The following CACNA2D1 variants were observed in gnomAD, a reference collection of about 807,000 sequenced individuals.
CACNA2D1 encodes voltage-dependent calcium channel subunit alpha-2/delta-1.
CACNA2D1 carries 53 observed loss-of-function variants against 171.5 expected under a neutral mutation model. The ratio of observed to expected loss-of-function variants is 0.31; its 90% CI spans 0.25 to 0.39. CACNA2D1 has a LOEUF of 0.39. Among genes scored for constraint, CACNA2D1 ranks in the 10% least tolerant of loss-of-function variants. The pLI, the probability that CACNA2D1 is intolerant of heterozygous loss-of-function variation, is 1.00. For synonymous variants in CACNA2D1, 442 were observed against 443.1 expected, an observed-to-expected ratio of 1.00 and a Z score of 0.03; for missense variants, 903 against 1,299.8, an observed-to-expected ratio of 0.69 and a Z score of 4.69.
chr7:82,133,606 ATAT>A (rs1791263369), intron 5 of CACNA2D1, among the ~76,000 whole-genome samples: 1 of 152,196 alleles, frequency 6.6e-6, no homozygotes, highest in Non-Finnish European at 1.5e-5. Context: ...TTGAAGAATA[ATAT>A]TTATGTGTAA....
chr7:82,378,320 G>T (rs1216543739), intron 1 of CACNA2D1, among the ~76,000 whole-genome samples: 1 of 152,124 alleles, frequency 6.6e-6, no homozygotes, highest in Non-Finnish European at 1.5e-5. Context: ...GATCATTGGA[G>T]CCCAGGAAGT....
intron 3 of CACNA2D1, among the ~76,000 whole-genome samples, chr7:82,267,216 G>C (rs953734598): frequency 1.6e-4 from 24 of 152,088 alleles, no homozygotes; most frequent in African/African-American, 5.6e-4. Flanking sequence ...TGTGAAAAAG[G>C]CTATACTATG....
At chr7:82,323,386 G>A (rs149329498) in intron 3 of CACNA2D1, among the ~76,000 whole-genome samples, 104 of 152,140 alleles carry the variant, frequency 6.8e-4, no homozygotes, top group African/African-American at 2.3e-3. Context: ...AAAGTTTGAT[G>A]ACTATCATCA....
chr7:81,995,477 T>C (rs1170466209), intron 19 of CACNA2D1, among the ~76,000 whole-genome samples: 1 of 152,124 alleles, frequency 6.6e-6, no homozygotes, highest in African/African-American at 2.4e-5. Context: ...TTGAGTCTCC[T>C]TCAGTAGAAT....
At chr7:82,291,492 ATT>A (rs541880792) in intron 3 of CACNA2D1, among the ~76,000 whole-genome samples, 10 of 134,296 alleles carry the variant, frequency 7.4e-5, no homozygotes, top group Middle Eastern at 3.5e-3. Flanking sequence ...TATTATATAT[ATT>A]TTTATATATA....
At chr7:82,218,875 TC>T (rs1770941929) in intron 3 of CACNA2D1, among the ~76,000 whole-genome samples, 1 of 151,914 alleles carries the variant, frequency 6.6e-6, no homozygotes, top group Non-Finnish European at 1.5e-5. Context: ...TTATGTATTT[TC>T]ATTAATTTTT....
intron 4 of CACNA2D1, among the ~76,000 whole-genome samples, chr7:82,164,693 A>C (rs2129138790): frequency 6.6e-6 from 1 of 152,042 alleles, no homozygotes; most frequent in East Asian, 1.9e-4. Flanking sequence ...GCTATTAATA[A>C]ATGGAGAGTC....
intron 3 of CACNA2D1, among the ~76,000 whole-genome samples, chr7:82,184,169 C>CCTT (rs776797130): frequency 1.6e-5 from 2 of 127,420 alleles, no homozygotes; most frequent in East Asian, 4.5e-4. Context: ...TCGGTTTCCT[C>CCTT]TTTTTTTTTT....
At chr7:82,278,560 A>T (rs1465740455) in intron 3 of CACNA2D1, among the ~76,000 whole-genome samples, 2 of 87,600 alleles carry the variant, frequency 2.3e-5, no homozygotes, top group Non-Finnish European at 4.4e-5. Flanking sequence ...TCTGTCTTAA[A>T]AAAAAAAAAA....
At chr7:82,381,737 T>A (rs1823738591) in intron 1 of CACNA2D1, among the ~76,000 whole-genome samples, 1 of 152,188 alleles carries the variant, frequency 6.6e-6, no homozygotes, top group South Asian at 2.1e-4. Flanking sequence ...TTTCCATATA[T>A]AAATTGTACA....
chr7:82,085,072 T>C (rs1810285451), intron 6 of CACNA2D1, among the ~76,000 whole-genome samples, 172 bp from the exon 7 acceptor site: 1 of 152,206 alleles, frequency 6.6e-6, no homozygotes, highest in South Asian at 2.1e-4. Flanking sequence ...TTTGACTGGA[T>C]CTACTACCAA....
chr7:82,222,113 G>T (rs2129252925), intron 3 of CACNA2D1, among the ~76,000 whole-genome samples: 1 of 152,260 alleles, frequency 6.6e-6, no homozygotes, highest in South Asian at 2.1e-4. Context: ...TCTGCAGGAG[G>T]CAAAGAGAAT....
chr7:81,963,922 G>A, intron 34 of CACNA2D1, 134 bp downstream of exon 34: 1 of 711,278 alleles, frequency 1.4e-6, no homozygotes, highest in Admixed American at 2.2e-5. Context: ...ACCAATAGGT[G>A]ATGTAAAGAA....
intron 3 of CACNA2D1, among the ~76,000 whole-genome samples, chr7:82,316,602 T>C (rs1174927229): frequency 1.3e-5 from 2 of 152,178 alleles, no homozygotes; most frequent in Admixed American, 1.3e-4. Context: ...AATCAGTAGC[T>C]AACATATAAA....
At chr7:82,076,418 G>A (rs3801764) in intron 7 of CACNA2D1, among the ~76,000 whole-genome samples, 56,333 of 151,730 alleles carry the variant, frequency 0.37, 10,998 homozygotes, top group Non-Finnish European at 0.43. Context: ...CCCAAAATAA[G>A]AACTTTTGAT....
At chr7:82,151,249 G>T (rs144437703) in intron 4 of CACNA2D1, among the ~76,000 whole-genome samples, 1 of 152,204 alleles carries the variant, frequency 6.6e-6, no homozygotes, top group Non-Finnish European at 1.5e-5. Context: ...TATTTTCATA[G>T]GAGTTATTTT....
intron 3 of CACNA2D1, among the ~76,000 whole-genome samples, chr7:82,230,339 T>C (rs898918681): frequency 1.3e-5 from 2 of 152,248 alleles, no homozygotes; most frequent in Non-Finnish European, 2.9e-5. Context: ...GTCCTTACTT[T>C]TGTATGTTTT....
chr7:82,351,946 C>T (rs1023737451), intron 1 of CACNA2D1, among the ~76,000 whole-genome samples: 6 of 151,948 alleles, frequency 3.9e-5, no homozygotes, highest in African/African-American at 1.5e-4. Context: ...GTTATACATC[C>T]CTTTAGCTCG....
chr7:82,036,758 T>C (rs1353420673), intron 11 of CACNA2D1, among the ~76,000 whole-genome samples: 1 of 152,202 alleles, frequency 6.6e-6, no homozygotes, highest in African/African-American at 2.4e-5. Context: ...TCAAAAACTA[T>C]TTAGAATATT....
Sources: allele counts gnomAD v4.1 joint callset (sites outside exome capture counted in the v4.1 genomes callset), GRCh38; gene constraint gnomAD v4.1.1; transcripts MANE v1.5; gene names NCBI Gene and HGNC (gene_info 2026-07-23, HGNC 2026-07-21).